FAM110B: variants seen among roughly 807,000 people sequenced by gnomAD.
FAM110B encodes family with sequence similarity 110 member B.
Under a neutral mutation model 20.4 loss-of-function variants are expected in FAM110B, and 6 were observed. The ratio of observed to expected loss-of-function variants is 0.29; its 90% confidence interval spans 0.16 to 0.58. The LOEUF is 0.58. FAM110B is among the 20% of genes least tolerant of loss of function. FAM110B has a pLI of 0.90. For missense variants in FAM110B, 434 were observed against 498.2 expected, an observed-to-expected ratio of 0.87 and a Z score of 1.23; for synonymous variants, 226 against 214.1, an observed-to-expected ratio of 1.06 and a Z score of -0.49.
chr8:58,074,591 C>T (rs1257952601), intron 2 of FAM110B, among the ~76,000 whole-genome samples: 4 of 152,172 alleles, frequency 2.6e-5, no homozygotes, highest in African/African-American at 9.7e-5. Context: ...TCCATGAGAT[C>T]AGAGGTTTTT....
chr8:58,146,360 A>C lies in FAM110B; in HGVS notation c.130A>C (p.Asn44His). The C allele has an allele frequency of 6.2e-7, 1 of 1,614,068 alleles. No individual in the cohort carries two copies. The highest frequency in any genetic ancestry group is 1.6e-4 in the Middle Eastern group (1 of 6,062). Residue 44 changes from asparagine (N) to histidine (H), a missense_variant, in exon 4 of 4, where the codon AAC becomes CAC. Physicochemically the swap from Asn to His is moderately conservative, Grantham distance 68 (BLOSUM62 1). This residue lies in a region of FAM110B where 56 missense variants were observed against 82.1 expected (regional missense o/e 0.68). Transcript: ENST00000519262. ...PDYFRRQAEP[N>H]PKRLSAVERL... ...CTACTTCCGCAGGCAGGCCGAGCCC[A>C]ACCCCAAGAGGCTCAGCGCCGTGGA... is the stretch of plus-strand genomic sequence containing the variant.
intron 3 of FAM110B, among the ~76,000 whole-genome samples, chr8:58,104,921 T>G (rs915745907): frequency 1.6e-4 from 24 of 150,440 alleles, no homozygotes; most frequent in Non-Finnish European, 2.7e-4. Flanking sequence ...ATTACTGACA[T>G]GTATTAGGTG....
At chr8:58,099,754 T>A (rs1162118347) in intron 3 of FAM110B, among the ~76,000 whole-genome samples, 2 of 152,218 alleles carry the variant, frequency 1.3e-5, no homozygotes, top group African/African-American at 2.4e-5. Flanking sequence ...TTAGAGTAGA[T>A]CTCACCTATG....
At chr8:58,035,457 A>G (rs941923983) in intron 2 of FAM110B, among the ~76,000 whole-genome samples, 6 of 152,196 alleles carry the variant, frequency 3.9e-5, no homozygotes, top group Non-Finnish European at 7.4e-5. Flanking sequence ...TGTTTTTCGT[A>G]TACTTGAAAC....
At chr8:58,091,682 C>T (rs1806483168) in intron 3 of FAM110B, 1 of 152,042 alleles carries the variant, frequency 6.6e-6, no homozygotes, top group Non-Finnish European at 1.5e-5. Flanking sequence ...TGACAGATGC[C>T]CCCCATTCAG....
chr8:58,092,614 A>C (rs944193800), intron 3 of FAM110B, among the ~76,000 whole-genome samples: 1 of 152,218 alleles, frequency 6.6e-6, no homozygotes, highest in African/African-American at 2.4e-5. Context: ...AATGGTGTAC[A>C]TATGTCACAT....
At chr8:58,024,042 C>A (rs1804806930) in intron 1 of FAM110B, among the ~76,000 whole-genome samples, 1 of 152,126 alleles carries the variant, frequency 6.6e-6, no homozygotes, top group Non-Finnish European at 1.5e-5. Flanking sequence ...ATGGCATTTT[C>A]CAGAATTTCT....
At chr8:58,081,848 A>G (rs984503277) in intron 3 of FAM110B, among the ~76,000 whole-genome samples, 2 of 152,120 alleles carry the variant, frequency 1.3e-5, no homozygotes, top group African/African-American at 2.4e-5. Context: ...CAACAAATTC[A>G]TAATTCATGC....
chr8:58,003,070 A>C (rs888389430), intron 1 of FAM110B, among the ~76,000 whole-genome samples: 2 of 152,222 alleles, frequency 1.3e-5, no homozygotes, highest in African/African-American at 4.8e-5. Context: ...TTATCAACTA[A>C]GTTATGTAAT....
chr8:58,130,614 G>A (rs1291962186), intron 3 of FAM110B, among the ~76,000 whole-genome samples: 5 of 152,312 alleles, frequency 3.3e-5, no homozygotes, highest in Non-Finnish European at 2.9e-5. Context: ...AGGGAATTGT[G>A]TCTCTTCCAT....
intron 3 of FAM110B, among the ~76,000 whole-genome samples, chr8:58,089,857 A>T (rs935557662): frequency 6.6e-6 from 1 of 152,212 alleles, no homozygotes; most frequent in African/African-American, 2.4e-5. Flanking sequence ...GCCATTTGGC[A>T]TTTTCTAGAA....
chr8:58,118,466 T>C (rs528169883), intron 3 of FAM110B, among the ~76,000 whole-genome samples: 2 of 152,328 alleles, frequency 1.3e-5, no homozygotes, highest in South Asian at 4.1e-4. Flanking sequence ...CGGTTGGGTC[T>C]GGGTGCTTAC....
intron 2 of FAM110B, among the ~76,000 whole-genome samples, chr8:58,074,707 A>G (rs1247448851): frequency 6.6e-6 from 1 of 152,128 alleles, no homozygotes; most frequent in Non-Finnish European, 1.5e-5. Flanking sequence ...TGGGGGTGCT[A>G]CAGTGCAGAT....
rs149286038 is a variant in FAM110B, at chr8:58,001,404, T to C, written c.-512+6598T>C. On this transcript the variant is annotated intron_variant, in intron 1 of 3. Transcript: ENST00000519262. ...TGTGTGTGTGTGTGAGAAAGGGGCC[T>C]AGTGTTCAGTATACACATAGCATTT... is the stretch of plus-strand genomic sequence containing the variant. Among the ~76,000 whole-genome samples the C allele has an allele frequency of 6.2e-3, 948 of 152,188 alleles. 6 individuals carry two copies. Among genetic ancestry groups the C allele is most frequent in the Non-Finnish European group, 9.5e-3 (647 of 67,990 alleles).
intron 3 of FAM110B, among the ~76,000 whole-genome samples, chr8:58,107,374 G>A (rs928949247): frequency 6.6e-6 from 1 of 151,978 alleles, no homozygotes; most frequent in African/African-American, 2.4e-5. Context: ...TTAAAAGAAG[G>A]CCCACCGGGA....
intron 1 of FAM110B, among the ~76,000 whole-genome samples, chr8:58,006,087 A>G (rs1275094845): frequency 6.6e-6 from 1 of 152,130 alleles, no homozygotes; most frequent in Non-Finnish European, 1.5e-5. Flanking sequence ...GCAGATCCTT[A>G]TATCATGCTT....
intron 3 of FAM110B, among the ~76,000 whole-genome samples, chr8:58,129,916 C>A (rs756467297): frequency 6.6e-6 from 1 of 152,010 alleles, no homozygotes; most frequent in South Asian, 2.1e-4. Flanking sequence ...TAATATATTG[C>A]AATGATTTTT....
intron 1 of FAM110B, 145 bp from the exon 2 acceptor site, chr8:58,031,461 G>C (rs1804960707): frequency 6.6e-6 from 1 of 152,184 alleles, no homozygotes; most frequent in Admixed American, 6.5e-5. Context: ...TGGAGCAGCT[G>C]AATTAGAAAC....
chr8:58,133,242 G>T (rs1209563706), intron 3 of FAM110B, among the ~76,000 whole-genome samples: 1 of 149,470 alleles, frequency 6.7e-6, no homozygotes, highest in Non-Finnish European at 1.5e-5. Context: ...AGGCACAAAT[G>T]GGGAGGCCGG....
Sources: allele counts gnomAD v4.1 joint callset (sites outside exome capture counted in the v4.1 genomes callset), GRCh38; gene constraint gnomAD v4.1.1; regional missense constraint gnomAD v4.1.1; transcripts MANE v1.5; gene names NCBI Gene and HGNC (gene_info 2026-07-23, HGNC 2026-07-21).